Variants in UBR2 observed in about 807,000 individuals in gnomAD.
UBR2 encodes E3 ubiquitin-protein ligase UBR2.
A neutral mutation model predicts 247.9 loss-of-function variants in UBR2; 92 were observed. The observed-to-expected ratio is 0.37, with a 90% confidence interval of 0.31 to 0.44. The LOEUF (loss-of-function observed/expected upper bound fraction) is 0.44, where lower values mean the gene tolerates loss of function less well. UBR2 is among the 20% of genes least tolerant of loss of function. The pLI, the probability that UBR2 is intolerant of heterozygous loss-of-function variation, is 1.00. For missense variants in UBR2, 1,613 were observed against 2,112.6 expected (o/e 0.76, Z 4.64); for synonymous variants, 672 against 693.5 (o/e 0.97, Z 0.49).
chr6:42,684,582 CA>C (rs1055095326), intron 43 of UBR2, among the ~76,000 whole-genome samples: 5 of 126,748 alleles, frequency 3.9e-5, no homozygotes, highest in African/African-American at 1.2e-4. Context: ...GACTCCGTCT[CA>C]AAAAAAAAAC....
intron 30 of UBR2, among the ~76,000 whole-genome samples, chr6:42,660,422 C>T (rs1797730852): frequency 6.6e-6 from 1 of 152,054 alleles, no homozygotes; most frequent in Non-Finnish European, 1.5e-5. Flanking sequence ...TGATTTTGTC[C>T]ACCACAGACA....
intron 38 of UBR2, 33 bp downstream of exon 38, chr6:42,674,226 GTCATACTATGTAAC>G: frequency 6.3e-7 from 1 of 1,598,486 alleles, no homozygotes; most frequent in South Asian, 1.1e-5. Flanking sequence ...GGACTTCTAC[GTCATACTATGTAAC>G]TTTACCTTAG....
In UBR2 at chr6:42,691,549, G is replaced by A. The variant is rs1017722003; in HGVS notation, c.*376G>A. The A allele has an allele frequency of 3.5e-6, 1 of 282,352 alleles. No individual in the cohort carries two copies. Among genetic ancestry groups the A allele is most frequent in the Non-Finnish European group, 6.8e-6 (1 of 147,438 alleles). 17.5% of individuals were successfully genotyped at this position (282,352 alleles called of 1,614,324 possible). On this transcript the variant is annotated 3_prime_UTR_variant, in exon 47 of 47. Transcript: ENST00000372901. ...AACGGAGGCAGGGAACAAAGTCTCTGTGGTCTGTTGGGTCATACTTCCTGG... is the reference window on the plus strand; with the variant it reads ...AACGGAGGCAGGGAACAAAGTCTCTATGGTCTGTTGGGTCATACTTCCTGG...
chr6:42,659,731 T>C lies in UBR2; in HGVS notation c.3318T>C (p.Val1106=). ...AGGTTCCTGAACAAAGACAATTCGT[T>C]ACATGTATATTGTGTCAAGAGGAGC... The part of the protein sequence containing the change: ...QTQVPEQRQF[V]TCILCQEEQE... The change falls in exon 30 of 47, where the codon GTT becomes GTC. Residue 1106 remains valine (V), a synonymous_variant. Transcript: ENST00000372901. The surrounding 1 kb of genome is among the most constrained non-coding windows in gnomAD (Gnocchi z 4.3). The C allele has an allele frequency of 6.2e-7, 1 of 1,614,126 alleles. No homozygotes were observed. Among genetic ancestry groups the C allele is most frequent in the Non-Finnish European group, 8.5e-7 (1 of 1,180,016 alleles).
intron 42 of UBR2, among the ~76,000 whole-genome samples, chr6:42,682,146 A>G (rs1304265877): frequency 6.6e-6 from 1 of 152,202 alleles, no homozygotes; most frequent in Non-Finnish European, 1.5e-5. Flanking sequence ...GCTAAGTGAA[A>G]TAAGCCAGTC....
At chr6:42,646,129 G>A (rs1796740856) in intron 21 of UBR2, among the ~76,000 whole-genome samples, 1 of 152,056 alleles carries the variant, frequency 6.6e-6, no homozygotes, top group Non-Finnish European at 1.5e-5. Context: ...TCCTTCCAGG[G>A]GTGATAAGTT....
rs368578517 is a variant in UBR2 at position 42,658,859 on chromosome 6, C to T, written c.3242+35C>T. On this transcript the variant is annotated intron_variant, in intron 29 of 46. Transcript: ENST00000372901. ...AAAAAAAAAAAAATTAATGTCTTGA[C>T]GAGTTTTTCCCAACTAGGGGCAGTG... is the stretch of plus-strand genomic sequence containing the variant. The T allele has an allele frequency of 1.5e-5, 23 of 1,488,088 alleles. No individual in the cohort carries two copies. The Admixed American group carries it at 2.2e-4, about 14-fold the overall frequency. 92.2% of individuals were successfully genotyped at this position (1,488,088 alleles called of 1,614,324 possible).
chr6:42,685,537 T>C (rs1799333476), intron 44 of UBR2, among the ~76,000 whole-genome samples: 1 of 151,096 alleles, frequency 6.6e-6, no homozygotes, highest in Admixed American at 6.6e-5. Context: ...CAACCTTGGC[T>C]CGCTGCAACC....
chr6:42,666,146 A>G (rs768005574), intron 33 of UBR2, 21 bp from the exon 34 acceptor site: 3 of 1,593,862 alleles, frequency 1.9e-6, no homozygotes, highest in Admixed American at 1.7e-5. Flanking sequence ...GAATAATAGT[A>G]TAAAATGCCT....
At chr6:42,686,114 G>A (rs910841689) in intron 44 of UBR2, among the ~76,000 whole-genome samples, 1 of 151,340 alleles carries the variant, frequency 6.6e-6, no homozygotes, top group African/African-American at 2.4e-5. Flanking sequence ...TCATTCTTGG[G>A]TGTTTCTCGG....
chr6:42,687,355 G>A lies in UBR2; in HGVS notation c.4854-861G>A, dbSNP rs1256728866. Among the ~76,000 whole-genome samples the A allele has an allele frequency of 2.6e-5, 4 of 152,260 alleles. No homozygotes were observed. In the East Asian group the frequency reaches 5.8e-4, roughly 22 times the overall value. ...AAAAACCAGTCAGGCGTGGCGGCGC[G>A]CGCCTGCAATCCCAGGCACTGGGCA... is the stretch of plus-strand genomic sequence containing the variant. On this transcript the variant is annotated intron_variant, in intron 44 of 46. Transcript: ENST00000372901.
In UBR2 at chr6:42,594,315, T is replaced by G; in HGVS notation, c.531+11T>G. The G allele has an allele frequency of 1.3e-6, 2 of 1,589,796 alleles. No individual in the cohort carries two copies. The highest frequency in any genetic ancestry group is 3.5e-5 in the Admixed American group (2 of 56,844). ...ATTGAGGAAGAAGAGGTAAAAACATTTTCACAAAGTTGTTTTTAACCCAAG... is the reference window on the plus strand; with the variant it reads ...ATTGAGGAAGAAGAGGTAAAAACATGTTCACAAAGTTGTTTTTAACCCAAG... On this transcript the variant is annotated intron_variant, in intron 4 of 46. Transcript: ENST00000372901.
chr6:42,576,741 A>G (rs111963197), intron 2 of UBR2, among the ~76,000 whole-genome samples: 3,366 of 152,024 alleles, frequency 0.022, 117 homozygotes, highest in African/African-American at 0.076. Context: ...GGCTTGTCTC[A>G]AATTCCTGAC....
intron 22 of UBR2, 29 bp from the exon 23 acceptor site, chr6:42,650,252 GTAA>G: frequency 6.5e-7 from 1 of 1,546,740 alleles, no homozygotes. Context: ...TATGGCTTTG[GTAA>G]TAATATTCTA....
intron 11 of UBR2, among the ~76,000 whole-genome samples, chr6:42,626,924 T>C (rs904049903): frequency 6.6e-6 from 1 of 152,136 alleles, no homozygotes; most frequent in African/African-American, 2.4e-5. Flanking sequence ...AGCAGTTCTG[T>C]ACATATTTTG....
intron 42 of UBR2, among the ~76,000 whole-genome samples, chr6:42,682,024 A>G (rs1799086626): frequency 6.6e-6 from 1 of 152,156 alleles, no homozygotes; most frequent in Non-Finnish European, 1.5e-5. Flanking sequence ...CAGTGAGCCA[A>G]GATTACGCCA....
At position 42,678,796 on chromosome 6, in the gene UBR2, G is replaced by A. The variant is rs910904294; in HGVS notation, c.4609+127G>A. 6.7e-6 allele frequency: 7 copies of A among 1,048,080 alleles called. No individual in the cohort carries two copies. The Admixed American group carries it at 1.4e-4, about 20-fold the overall frequency. The allele number at this position is 1,048,080 out of a possible 1,614,324, so 64.9% of individuals were successfully genotyped here. On this transcript the variant is annotated intron_variant, in intron 41 of 46. Transcript: ENST00000372901. ...AGAATAGCTTATTGACTATGGTGAT[G>A]TACACATTTATAGCATAAAATGTAT...
rs150644648 is a variant in UBR2, at chr6:42,683,083, T to A, written c.4747T>A (p.Tyr1583Asn). Residue 1583 changes from tyrosine (Y) to asparagine (N), a missense_variant, in exon 43 of 47, where the codon TAT becomes AAT. Coordinates refer to ENST00000372901, the MANE Select transcript of UBR2 (RefSeq NM_001363705.2). ...SWCRNSEVKR[Y>N]LEGERDAIRY... ...GTGCCGTAACAGTGAAGTTAAAAGA[T>A]ATCTAGAAGGTGAAAGAGATGCTAT... 26 of 1,612,860 alleles carry A rather than the reference T, an allele frequency of 1.6e-5. No homozygotes were observed. In the African/African-American group the frequency reaches 3.3e-4, roughly 21 times the overall value.
chr6:42,615,324 A>C, intron 9 of UBR2, 146 bp downstream of exon 9: 1 of 509,386 alleles, frequency 2.0e-6, no homozygotes, highest in Non-Finnish European at 3.1e-6. Context: ...TGAAAAATAT[A>C]GATTTGGTGG....
Sources: allele counts gnomAD v4.1 joint callset (sites outside exome capture counted in the v4.1 genomes callset), GRCh38; gene constraint gnomAD v4.1.1; non-coding constraint Gnocchi (gnomAD v3.1); transcripts MANE v1.5; gene names NCBI Gene and HGNC (gene_info 2026-07-23, HGNC 2026-07-21).